Variants in IGSF21 observed in about 807,000 individuals in gnomAD.
IGSF21 encodes immunoglobulin superfamily member 21.
IGSF21 carries 28 observed loss-of-function variants against 46.8 expected under a neutral mutation model. That is an observed-to-expected ratio of 0.60 (90% CI 0.44 to 0.82). The LOEUF is 0.82. IGSF21 is among the 40% of genes least tolerant of loss of function. IGSF21 has a pLI of 0.00. For synonymous variants in IGSF21, 284 were observed against 273.6 expected (o/e 1.04, Z -0.38); for missense variants, 624 against 665.5 (o/e 0.94, Z 0.69).
At chr1:18,145,605 G>A (rs1010465687) in intron 1 of IGSF21, among the ~76,000 whole-genome samples, 9 of 151,580 alleles carry the variant, frequency 5.9e-5, no homozygotes, top group African/African-American at 2.2e-4. Flanking sequence ...ACATCCTCTT[G>A]CCACAACAAC....
intron 2 of IGSF21, among the ~76,000 whole-genome samples, chr1:18,238,830 A>G (rs1049752298): frequency 1.3e-5 from 2 of 152,186 alleles, no homozygotes; most frequent in African/African-American, 2.4e-5. Context: ...CTGCTGTGTG[A>G]TCTTGAAAAA....
At chr1:18,352,462 T>G (rs903015783) in intron 4 of IGSF21, among the ~76,000 whole-genome samples, 3 of 152,170 alleles carry the variant, frequency 2.0e-5, no homozygotes, top group African/African-American at 7.2e-5. Context: ...TTTGCGTTTC[T>G]AATAAGCTCC....
At chr1:18,346,773 G>T (rs1011292103) in intron 4 of IGSF21, among the ~76,000 whole-genome samples, 2 of 152,340 alleles carry the variant, frequency 1.3e-5, no homozygotes, top group East Asian at 3.9e-4. Context: ...AGAATGAGAA[G>T]TGGGGGGCCT....
chr1:18,116,002 C>T (rs2086187460), intron 1 of IGSF21: 1 of 152,172 alleles, frequency 6.6e-6, no homozygotes, highest in South Asian at 2.1e-4. Flanking sequence ...ACATCATACT[C>T]AACTATCCCA....
chr1:18,372,870 A>ATGGATGGATGGATGGATGGATGGATGGG (rs1557666328), intron 6 of IGSF21, among the ~76,000 whole-genome samples: 1 of 70,962 alleles, frequency 1.4e-5, no homozygotes, highest in African/African-American at 4.7e-5. Flanking sequence ...GGATGGGTGG[A>ATGGATGGATGGATGGATGGATGGATGGG]TGGATGGATG....
intron 6 of IGSF21, among the ~76,000 whole-genome samples, chr1:18,370,318 A>AT (rs1057496533): frequency 2.4e-4 from 37 of 152,200 alleles, no homozygotes; most frequent in African/African-American, 8.7e-4. Context: ...GAGTTCATTG[A>AT]TTTTTGCCAA....
intron 1 of IGSF21, among the ~76,000 whole-genome samples, chr1:18,135,454 T>A (rs1226143999): frequency 2.8e-5 from 4 of 141,646 alleles, no homozygotes; most frequent in Non-Finnish European, 6.1e-5. Context: ...ATGTTCCCCT[T>A]CCTGTGTCCA....
intron 2 of IGSF21, among the ~76,000 whole-genome samples, chr1:18,268,932 G>C (rs10489572): frequency 0.21 from 31,831 of 152,156 alleles, 3,533 homozygotes; most frequent in African/African-American, 0.27. Context: ...CCTCACTCTT[G>C]ATGATAGCTC....
At position 18,310,910 on chromosome 1, in the gene IGSF21, G is replaced by A. The variant is rs117241707; in HGVS notation, c.305+18923G>A. Among the ~76,000 whole-genome samples the A allele has an allele frequency of 3.4e-4, 51 of 152,222 alleles. No individual in the cohort carries two copies. In the East Asian group the frequency reaches 9.7e-3, roughly 29 times the overall value. On this transcript the variant is annotated intron_variant, in intron 3 of 9. Transcript: ENST00000251296. ...CTCCATCATCACACGGCGTTCTCCC[G>A]CTGTGTGTCTGTCTCTCTGTCCAGA...
In IGSF21 at chr1:18,322,358, C is replaced by T. The variant is rs776114500; in HGVS notation, c.306-12534C>T. On this transcript the variant is annotated intron_variant, in intron 3 of 9. Coordinates refer to ENST00000251296, the MANE Select transcript of IGSF21 (RefSeq NM_032880.5). This position sits in a 1 kb window ranked among gnomAD's most constrained non-coding sequence, Gnocchi z 4.3. ...CCCAGAGGCAGCCACCTTCCACGCC[C>T]GTCTTCCCTCTTCTGGTGGAGGCAG... is the stretch of plus-strand genomic sequence containing the variant. 6.6e-6 allele frequency among the ~76,000 whole-genome samples: 1 copy of T among 152,082 alleles called. No individual in the cohort carries two copies. The highest frequency in any genetic ancestry group is 6.5e-5 in the Admixed American group (1 of 15,270).
At chr1:18,221,885 G>C (rs893393122) in intron 1 of IGSF21, among the ~76,000 whole-genome samples, 9 of 152,178 alleles carry the variant, frequency 5.9e-5, no homozygotes, top group African/African-American at 2.2e-4. Context: ...GGTGGCCTCT[G>C]CTTCTGGCCT....
intron 3 of IGSF21, among the ~76,000 whole-genome samples, chr1:18,304,231 G>A (rs989519710): frequency 6.6e-6 from 1 of 152,212 alleles, no homozygotes; most frequent in Non-Finnish European, 1.5e-5. Flanking sequence ...TGCTCTGGCT[G>A]AGGGTGTAGG....
intron 6 of IGSF21, among the ~76,000 whole-genome samples, chr1:18,373,575 G>A (rs945476747): frequency 2.0e-5 from 3 of 152,136 alleles, no homozygotes. Context: ...AAGCAGCGAG[G>A]GAGGACCAGA....
At chr1:18,271,551 T>C (rs1163210536) in intron 2 of IGSF21, among the ~76,000 whole-genome samples, 1 of 152,180 alleles carries the variant, frequency 6.6e-6, no homozygotes, top group Admixed American at 6.5e-5. Context: ...AATCTGAAAA[T>C]CTTTCCTCCT....
intron 1 of IGSF21, among the ~76,000 whole-genome samples, chr1:18,167,178 C>T (rs536630524): frequency 3.3e-5 from 5 of 152,202 alleles, no homozygotes; most frequent in African/African-American, 7.2e-5. Flanking sequence ...TCTGCTGGCA[C>T]GGATCGCAGA....
intron 4 of IGSF21, among the ~76,000 whole-genome samples, chr1:18,344,718 C>T (rs761341739): frequency 1.1e-4 from 17 of 152,234 alleles, no homozygotes; most frequent in Non-Finnish European, 1.9e-4. Context: ...AGTCTGAGAT[C>T]CCTGGGAAAT....
At chr1:18,342,581 C>T (rs75578146) in intron 4 of IGSF21, among the ~76,000 whole-genome samples, 3,296 of 152,276 alleles carry the variant, frequency 0.022, 112 homozygotes, top group African/African-American at 0.074. Context: ...TTACACACCA[C>T]CCCACATTGT....
intron 2 of IGSF21, among the ~76,000 whole-genome samples, chr1:18,286,924 G>A (rs1327008599): frequency 1.3e-5 from 2 of 152,186 alleles, no homozygotes; most frequent in Non-Finnish European, 2.9e-5. Context: ...GCTCACGCCT[G>A]TAATCCCAGC....
At chr1:18,140,401 C>G (rs1264885811) in intron 1 of IGSF21, among the ~76,000 whole-genome samples, 5 of 152,192 alleles carry the variant, frequency 3.3e-5, no homozygotes, top group Admixed American at 6.5e-5. Flanking sequence ...CCCGAATAAG[C>G]TACCTGCATC....
Sources: allele counts gnomAD v4.1 joint callset (sites outside exome capture counted in the v4.1 genomes callset), GRCh38; gene constraint gnomAD v4.1.1; non-coding constraint Gnocchi (gnomAD v3.1); transcripts MANE v1.5; gene names NCBI Gene and HGNC (gene_info 2026-07-23, HGNC 2026-07-21).